PLEKHG4B: variants seen among roughly 807,000 people sequenced by gnomAD.
The protein encoded by PLEKHG4B is pleckstrin homology domain-containing family G member 4B.
PLEKHG4B carries 111 observed loss-of-function variants against 121.3 expected under a neutral mutation model. That is an observed-to-expected ratio of 0.92 (90% CI 0.78 to 1.07). The LOEUF (loss-of-function observed/expected upper bound fraction) is 1.07. PLEKHG4B is among the 50% of genes least tolerant of loss of function. The pLI, the probability that PLEKHG4B is intolerant of heterozygous loss-of-function variation, is 0.00. For missense variants in PLEKHG4B, 1,831 were observed against 1,757.8 expected, an observed-to-expected ratio of 1.04 and a Z score of -0.74; for synonymous variants, 738 against 725.0, an observed-to-expected ratio of 1.02 and a Z score of -0.29.
rs567399663 is a variant in PLEKHG4B at position 164,927 on chromosome 5, C to G, written c.3476+1379C>G. ...ATGCTGTGACGGGGCGGAGCTCACA[C>G]TAATGCTGTGACGGGGCGGGGCTTA... On this transcript the variant is annotated intron_variant, in intron 13 of 19. Coordinates refer to ENST00000637938, the MANE Select transcript of PLEKHG4B (RefSeq NM_052909.5). 4.0e-3 allele frequency among the ~76,000 whole-genome samples: 208 copies of G among 52,566 alleles called. 3 individuals carry two copies. Among genetic ancestry groups the G allele is most frequent in the Non-Finnish European group, 6.2e-3 (140 of 22,530 alleles). The allele number at this position is 52,566 out of a possible 152,430, so 34.5% of individuals were successfully genotyped here.
intron 1 of PLEKHG4B, among the ~76,000 whole-genome samples, chr5:108,967 G>A (rs1373262466): frequency 6.6e-6 from 1 of 152,230 alleles, no homozygotes; most frequent in African/African-American, 2.4e-5. Context: ...GCTGTGACCA[G>A]GTGGCAGCCC....
chr5:174,035 G>A lies in PLEKHG4B; in HGVS notation c.4339G>A (p.Val1447Ile), dbSNP rs781004604. Reference sequence around the variant, plus strand: ...CATTCTCCAAGCAAGCTCGGCAGAGGTCAAGAGTGCATGGACCGATGTCAT... The same window carrying A: ...CATTCTCCAAGCAAGCTCGGCAGAGATCAAGAGTGCATGGACCGATGTCAT... ...TYILQASSAE[V>I]KSAWTDVIGR... The change falls in exon 18 of 20, where the codon GTC becomes ATC. Residue 1447 changes from valine (V) to isoleucine (I), a missense_variant. By Grantham distance (29) the Val-to-Ile change is conservative (BLOSUM62 3). Transcript: ENST00000637938. 3.1e-5 allele frequency: 49 copies of A among 1,605,194 alleles called. No homozygotes were observed. The highest frequency in any genetic ancestry group is 4.0e-5 in the Non-Finnish European group (47 of 1,176,512).
chr5:162,072 A>T, intron 12 of PLEKHG4B, 128 bp downstream of exon 12: 1 of 1,239,890 alleles, frequency 8.1e-7, no homozygotes, highest in Non-Finnish European at 1.1e-6. Flanking sequence ...CCTGCGATGG[A>T]GCCCCCCTGG....
At position 98,603 on chromosome 5, in the gene PLEKHG4B, T is replaced by TTGTGTGTGTG. The variant is rs35724214; in HGVS notation, c.45+6361_45+6370dup. On this transcript the variant is annotated intron_variant, in intron 1 of 19. Coordinates refer to ENST00000637938, the MANE Select transcript of PLEKHG4B (RefSeq NM_052909.5). Reference sequence around the variant, plus strand: ...GCATGTGCCACCATGCCTGGCTAATTTGTGTGTGTGTGTGTGTGTGTGTGT... The same window carrying TTGTGTGTGTG: ...GCATGTGCCACCATGCCTGGCTAATTTGTGTGTGTGTGTGTGTGTGTGTGTGTGTGTGTGT... Among the ~76,000 whole-genome samples the TTGTGTGTGTG allele has an allele frequency of 4.1e-3, 458 of 111,576 alleles. 9 individuals carry two copies. Among genetic ancestry groups the TTGTGTGTGTG allele is most frequent in the African/African-American group, 0.015 (398 of 25,922 alleles). The allele number at this position is 111,576 out of a possible 152,430, so 73.2% of individuals were successfully genotyped here.
chr5:122,823 A>G (rs1169693843), intron 2 of PLEKHG4B, among the ~76,000 whole-genome samples: 2 of 152,218 alleles, frequency 1.3e-5, no homozygotes, highest in East Asian at 1.9e-4. Context: ...TCAGATAAGT[A>G]AGATTTCAAG....
intron 2 of PLEKHG4B, among the ~76,000 whole-genome samples, chr5:114,174 A>G (rs779911926): frequency 6.6e-6 from 1 of 152,146 alleles, no homozygotes; most frequent in Non-Finnish European, 1.5e-5. Flanking sequence ...ATGGCTGCTG[A>G]CTGATCATGG....
At chr5:99,901 A>G (rs971397078) in intron 1 of PLEKHG4B, among the ~76,000 whole-genome samples, 1 of 152,032 alleles carries the variant, frequency 6.6e-6, no homozygotes, top group African/African-American at 2.4e-5. Flanking sequence ...GTTTCTTTCT[A>G]TTCTTGGTTT....
At chr5:151,632 G>T (rs759144433) in intron 7 of PLEKHG4B, 33 bp downstream of exon 7, 9 of 1,404,594 alleles carry the variant, frequency 6.4e-6, no homozygotes. Context: ...CCTGAGTGAT[G>T]GATAAAATTA....
intron 2 of PLEKHG4B, among the ~76,000 whole-genome samples, chr5:127,472 G>A (rs1734655852): frequency 6.6e-6 from 1 of 151,268 alleles, no homozygotes; most frequent in Non-Finnish European, 1.5e-5. Context: ...AGCATACATG[G>A]TCATTTTCTA....
intron 13 of PLEKHG4B, among the ~76,000 whole-genome samples, chr5:167,216 G>C (rs1000088061): frequency 6.6e-6 from 1 of 152,186 alleles, no homozygotes; most frequent in African/African-American, 2.4e-5. Context: ...CGGCCTTCCC[G>C]CCAGTGCTGT....
intron 7 of PLEKHG4B, 28 bp downstream of exon 7, chr5:151,627 G>A (rs200624565): frequency 1.2e-4 from 174 of 1,434,002 alleles, no homozygotes; most frequent in Non-Finnish European, 7.7e-5. Context: ...GGGATCCTGA[G>A]TGATGGATAA....
rs1464726013 is a variant in PLEKHG4B, at chr5:143,225, G to A, written c.1656G>A (p.Glu552=). The change falls in exon 4 of 20, where the codon GAG becomes GAA. Residue 552 remains glutamate, a synonymous_variant. Transcript: ENST00000637938. ...AGCAGGTGCTGGACGTCAGTCAGGA[G>A]CTGCTGCAGTCCGGGGTCGTCACCC... ...VPKQVLDVSQ[E]LLQSGVVTLP... 9 of 1,610,892 alleles carry A rather than the reference G, an allele frequency of 5.6e-6. No homozygotes were observed. The highest frequency in any genetic ancestry group is 1.3e-5 in the African/African-American group (1 of 75,058).
chr5:174,027 C>G lies in PLEKHG4B; in HGVS notation c.4331C>G (p.Ser1444Trp), dbSNP rs781070728. 2 of 1,606,438 alleles carry G rather than the reference C, an allele frequency of 1.2e-6. No homozygotes were observed. The highest frequency in any genetic ancestry group is 1.3e-5 in the African/African-American group (1 of 74,564). ...GACACCTACATTCTCCAAGCAAGCT[C>G]GGCAGAGGTCAAGAGTGCATGGACC... is the stretch of plus-strand genomic sequence containing the variant. ...SQDTYILQAS[S>W]AEVKSAWTDV... Residue 1444 changes from serine to tryptophan, a missense_variant, in exon 18 of 20, where the codon TCG becomes TGG. Transcript: ENST00000637938.
intron 1 of PLEKHG4B, among the ~76,000 whole-genome samples, chr5:99,167 A>AAGT (rs1236999385): frequency 3.6e-5 from 3 of 82,634 alleles, no homozygotes; most frequent in African/African-American, 1.6e-4. Flanking sequence ...AAAAAAAAAA[A>AAGT]GTGTATATAT....
chr5:97,397 C>G (rs1013218848), intron 1 of PLEKHG4B, among the ~76,000 whole-genome samples: 1 of 151,906 alleles, frequency 6.6e-6, no homozygotes, highest in Non-Finnish European at 1.5e-5. Flanking sequence ...CATTCAGGCT[C>G]CAGATCGTTT....
chr5:181,740 T>C (rs1579336918), intron 19 of PLEKHG4B, 65 bp downstream of exon 19: 1 of 1,553,270 alleles, frequency 6.4e-7, no homozygotes, highest in East Asian at 2.3e-5. Flanking sequence ...ATCAAGGGCA[T>C]GGGTACGGTG....
Position 139,432 on chromosome 5 carries a change from G to A in PLEKHG4B, c.244-51G>A. On this transcript the variant is annotated intron_variant, in intron 2 of 19. Coordinates refer to ENST00000637938, the MANE Select transcript of PLEKHG4B (RefSeq NM_052909.5). This position sits in a 1 kb window ranked among gnomAD's most constrained non-coding sequence, Gnocchi z 5.0. ...GGGTGGAGACCCAGGGCATGGAAGG[G>A]CTCAGGACATGGCCGTGCCCACCAC... 1 of 398,964 alleles carries A rather than the reference G, an allele frequency of 2.5e-6. No individual in the cohort carries two copies. The highest frequency in any genetic ancestry group is 4.4e-5 in the Admixed American group (1 of 22,742). The allele number at this position is 398,964 out of a possible 1,614,324, so 24.7% of individuals were successfully genotyped here. A position where few individuals can be genotyped will look rare whatever the true frequency, so the allele number is the denominator to read the frequency against.
intron 1 of PLEKHG4B, among the ~76,000 whole-genome samples, chr5:95,672 G>A (rs931639964): frequency 1.5e-4 from 23 of 152,148 alleles, no homozygotes; most frequent in Admixed American, 6.5e-5. Context: ...CTCTCCTTCC[G>A]GGCTTGCCAC....
chr5:175,309 C>T (rs1026806594), intron 18 of PLEKHG4B, among the ~76,000 whole-genome samples: 3 of 151,812 alleles, frequency 2.0e-5, no homozygotes, highest in African/African-American at 4.8e-5. Flanking sequence ...TGTCCACCCT[C>T]GTTTGCTCCC....
Sources: allele counts gnomAD v4.1 joint callset (sites outside exome capture counted in the v4.1 genomes callset), GRCh38; gene constraint gnomAD v4.1.1; non-coding constraint Gnocchi (gnomAD v3.1); transcripts MANE v1.5; gene names NCBI Gene and HGNC (gene_info 2026-07-23, HGNC 2026-07-21).